Variants in EVI5L observed in about 807,000 individuals in gnomAD.
The protein encoded by EVI5L is ecotropic viral integration site 5 like.
A neutral mutation model predicts 106.1 loss-of-function variants in EVI5L; 30 were observed. The ratio of observed to expected loss-of-function variants is 0.28; its 90% CI spans 0.21 to 0.38. EVI5L has a LOEUF of 0.38. Among genes scored for constraint, EVI5L ranks in the 10% least tolerant of loss-of-function variants. EVI5L has a pLI of 1.00. For synonymous variants in EVI5L, 489 were observed against 483.3 expected, an observed-to-expected ratio of 1.01 and a Z score of -0.15; for missense variants, 809 against 1,098.0, an observed-to-expected ratio of 0.74 and a Z score of 3.72.
chr19:7,864,667 C>T lies in EVI5L; in HGVS notation c.*965C>T, dbSNP rs1336393310. On this transcript the variant is annotated 3_prime_UTR_variant, in exon 20 of 20. Coordinates refer to ENST00000538904, the MANE Select transcript of EVI5L (RefSeq NM_001159944.3). The surrounding 1 kb of genome is among the most constrained non-coding windows in gnomAD (Gnocchi z 4.5). ...GGTGCCAAAATCCAACGATGCCCCC[C>T]AGGCCCCTTCCTCCCTTCCCCCGGC... 6.6e-6 allele frequency: 1 copy of T among 152,418 alleles called. No individual in the cohort carries two copies. The highest frequency in any genetic ancestry group is 2.4e-5 in the African/African-American group (1 of 41,416). The allele number at this position is 152,418 out of a possible 1,614,324, so 9.4% of individuals were successfully genotyped here.
rs1262947490 is a variant in EVI5L at position 7,857,102 on chromosome 19, C to G, written c.1211C>G (p.Ala404Gly). 2.6e-6 allele frequency: 4 copies of G among 1,551,830 alleles called. No homozygotes were observed. Among genetic ancestry groups the G allele is most frequent in the Admixed American group, 2.0e-5 (1 of 51,012 alleles). ...RIETLEKESAALADRLIQGQV... is the reference protein window; with the variant it reads ...RIETLEKESAGLADRLIQGQV... ...CCCTTCGCCGGGTAGGAGAGCGCTG[C>G]TCTGGCTGATAGGTTAATCCAGGTA... Residue 404 changes from alanine to glycine, a missense_variant, in exon 12 of 20, where the codon GCT becomes GGT. Ala to Gly is a moderately conservative substitution (Grantham distance 60). This residue lies in a region of EVI5L where 357 missense variants were observed against 588.1 expected (regional missense o/e 0.61). Coordinates refer to ENST00000538904, the MANE Select transcript of EVI5L (RefSeq NM_001159944.3). This position sits in a 1 kb window ranked among gnomAD's most constrained non-coding sequence, Gnocchi z 4.5.
chr19:7,839,386 A>C (rs952157460), intron 1 of EVI5L, among the ~76,000 whole-genome samples: 1 of 151,992 alleles, frequency 6.6e-6, no homozygotes, highest in Non-Finnish European at 1.5e-5. Context: ...ACTGGCAGAC[A>C]TCAGGAGACC....
intron 1 of EVI5L, among the ~76,000 whole-genome samples, chr19:7,844,973 T>G (rs1160207580): frequency 6.6e-6 from 1 of 152,106 alleles, no homozygotes; most frequent in Admixed American, 6.5e-5. Flanking sequence ...GGGCTGAGTT[T>G]GGGCTGTGGG....
intron 1 of EVI5L, among the ~76,000 whole-genome samples, chr19:7,842,455 ATGTG>A (rs377483603): frequency 5.4e-4 from 15 of 27,560 alleles, no homozygotes; most frequent in East Asian, 2.5e-3. Context: ...GAATGTGTGA[ATGTG>A]TGTGTATCAA....
At position 7,861,880 on chromosome 19, in the gene EVI5L, G is replaced by C; in HGVS notation, c.1506G>C (p.Arg502Ser). The C allele has an allele frequency of 1.3e-6, 2 of 1,550,986 alleles. No individual in the cohort carries two copies. Among genetic ancestry groups the C allele is most frequent in the East Asian group, 4.9e-5 (2 of 40,996 alleles). Reference sequence around the variant, plus strand: ...CCCTGACCCCACTCTTCCCGCAGAGGAACAGCTCGCTGCCCGACGAGAACA... The same window carrying C: ...CCCTGACCCCACTCTTCCCGCAGAGCAACAGCTCGCTGCCCGACGAGAACA... ...MQDKVLDMEK[R>S]NSSLPDENNV... The change falls in exon 15 of 20, where the codon AGG becomes AGC. Residue 502 changes from arginine (R) to serine (S), a missense_variant and splice_region_variant. Around this residue, in one of 2 missense-constraint regions of EVI5L, gnomAD observed 452 missense variants for 509.9 expected, o/e 0.89. Coordinates refer to ENST00000538904, the MANE Select transcript of EVI5L (RefSeq NM_001159944.3).
At chr19:7,843,697 C>A (rs531299083) in intron 1 of EVI5L, among the ~76,000 whole-genome samples, 1 of 151,670 alleles carries the variant, frequency 6.6e-6, no homozygotes, top group South Asian at 2.1e-4. Flanking sequence ...TGAGAATAGG[C>A]ATGGGTGTGT....
At position 7,857,188 on chromosome 19, in the gene EVI5L, G is replaced by A; in HGVS notation, c.1233+64G>A. 2 of 1,541,894 alleles carry A rather than the reference G, an allele frequency of 1.3e-6. No homozygotes were observed. Among genetic ancestry groups the A allele is most frequent in the Non-Finnish European group, 8.8e-7 (1 of 1,139,574 alleles). ...GGCCCCTTCCCTGCACCCTGCACAT[G>A]ACAGCCAGTAACCGCCTCTTCCCTG... On this transcript the variant is annotated intron_variant, in intron 12 of 19. Coordinates refer to ENST00000538904, the MANE Select transcript of EVI5L (RefSeq NM_001159944.3). This position sits in a 1 kb window ranked among gnomAD's most constrained non-coding sequence, Gnocchi z 4.5.
At position 7,862,487 on chromosome 19, in the gene EVI5L, A is replaced by G. The variant is rs1313889207; in HGVS notation, c.1900A>G (p.Thr634Ala). 1 of 1,586,284 alleles carries G rather than the reference A, an allele frequency of 6.3e-7. No homozygotes were observed. The highest frequency in any genetic ancestry group is 2.3e-5 in the East Asian group (1 of 43,496). Residue 634 changes from threonine (T) to alanine (A), a missense_variant, in exon 17 of 20, where the codon ACG becomes GCG. By Grantham distance (58) the Thr-to-Ala change is moderately conservative. Coordinates refer to ENST00000538904, the MANE Select transcript of EVI5L (RefSeq NM_001159944.3). ...YLAAQNKGLQ[T>A]QLSESRRKQA... ...GGCTGCACAGAACAAGGGGCTGCAG[A>G]CGCAGCTCAGCGAAAGCCGCCGCAA...
rs1405280022 is a variant in EVI5L at position 7,835,305 on chromosome 19, C to T, written c.-48+4924C>T. On this transcript the variant is annotated intron_variant, in intron 1 of 19. Transcript: ENST00000538904. The surrounding 1 kb of genome is among the most constrained non-coding windows in gnomAD (Gnocchi z 4.1). ...GGTGCATCACCTGAGGTCAGGAGTTCGAGACCAGCTTGGTTAACACAGTGA... is the reference window on the plus strand; with the variant it reads ...GGTGCATCACCTGAGGTCAGGAGTTTGAGACCAGCTTGGTTAACACAGTGA... Among the ~76,000 whole-genome samples the T allele has an allele frequency of 2.0e-5, 3 of 151,784 alleles. No homozygotes were observed. The highest frequency in any genetic ancestry group is 1.3e-4 in the Admixed American group (2 of 15,216).
At chr19:7,836,913 A>G (rs1978366402) in intron 1 of EVI5L, among the ~76,000 whole-genome samples, 2 of 151,270 alleles carry the variant, frequency 1.3e-5, no homozygotes, top group Admixed American at 1.3e-4. Context: ...GATTACAGAC[A>G]TGAGCCACCG....
chr19:7,844,976 G>GCCA (rs1422708963), intron 1 of EVI5L, among the ~76,000 whole-genome samples: 1 of 152,144 alleles, frequency 6.6e-6, no homozygotes, highest in African/African-American at 2.4e-5. Context: ...CTGAGTTTGG[G>GCCA]CTGTGGGAAG....
At chr19:7,840,054 G>A (rs1368587451) in intron 1 of EVI5L, among the ~76,000 whole-genome samples, 2 of 152,200 alleles carry the variant, frequency 1.3e-5, no homozygotes, top group Admixed American at 6.5e-5. Context: ...CAGAGTGGGT[G>A]GGTGGAGGTG....
At chr19:7,841,584 G>A (rs921644670) in intron 1 of EVI5L, among the ~76,000 whole-genome samples, 2 of 152,200 alleles carry the variant, frequency 1.3e-5, no homozygotes, top group African/African-American at 4.8e-5. Flanking sequence ...TTCCTAAGCT[G>A]TAGGTGGCCC....
chr19:7,851,836 C>G lies in EVI5L; in HGVS notation c.987+66C>G, dbSNP rs1050377341. 7 of 1,400,892 alleles carry G rather than the reference C, an allele frequency of 5.0e-6. No individual in the cohort carries two copies. In the East Asian group the frequency reaches 1.3e-4, roughly 26 times the overall value. 86.8% of individuals were successfully genotyped at this position (1,400,892 alleles called of 1,614,324 possible). On this transcript the variant is annotated intron_variant, in intron 8 of 19. Coordinates refer to ENST00000538904, the MANE Select transcript of EVI5L (RefSeq NM_001159944.3). ...CAGGGGCTTCGAGTCACAGGATGCC[C>G]TCACAAGTGACAGAGAGGGCCCGGC...
intron 13 of EVI5L, 100 bp from the exon 14 acceptor site, chr19:7,860,461 C>T (rs1979745066): frequency 1.8e-6 from 2 of 1,086,928 alleles, no homozygotes; most frequent in African/African-American, 3.2e-5. Context: ...CCTCTCCCTG[C>T]TGAAGGGCTC....
chr19:7,857,917 A>C lies in EVI5L; in HGVS notation c.1234-274A>C. The C allele has an allele frequency of 2.2e-6, 1 of 448,114 alleles. No individual in the cohort carries two copies. Among genetic ancestry groups the C allele is most frequent in the Non-Finnish European group, 4.0e-6 (1 of 247,000 alleles). The allele number at this position is 448,114 out of a possible 1,614,324, so 27.8% of individuals were successfully genotyped here. On this transcript the variant is annotated intron_variant, in intron 12 of 19. Transcript: ENST00000538904. This position sits in a 1 kb window ranked among gnomAD's most constrained non-coding sequence, Gnocchi z 4.5. ...GATAAGGATCCCAACTGGGGCAGAG[A>C]CTGAGAGCCAGAGTGGGGAAGGAGA...
At chr19:7,834,279 G>A (rs755647775) in intron 1 of EVI5L, among the ~76,000 whole-genome samples, 1 of 152,100 alleles carries the variant, frequency 6.6e-6, no homozygotes. Flanking sequence ...AGCCAAGAAC[G>A]CGCCACTGCA....
At chr19:7,837,102 G>A (rs1011815841) in intron 1 of EVI5L, among the ~76,000 whole-genome samples, 17 of 150,188 alleles carry the variant, frequency 1.1e-4, no homozygotes, top group Non-Finnish European at 2.2e-4. Context: ...AGGCTGAGGC[G>A]GGCGGATCAC....
At chr19:7,849,823 T>C (rs1169690654) in intron 5 of EVI5L, among the ~76,000 whole-genome samples, 174 bp from the exon 6 acceptor site, 1 of 152,136 alleles carries the variant, frequency 6.6e-6, no homozygotes, top group East Asian at 1.9e-4. Flanking sequence ...GCCTCAGGTC[T>C]TCCATCAGTA....
Sources: allele counts gnomAD v4.1 joint callset (sites outside exome capture counted in the v4.1 genomes callset), GRCh38; gene constraint gnomAD v4.1.1; regional missense constraint gnomAD v4.1.1; non-coding constraint Gnocchi (gnomAD v3.1); transcripts MANE v1.5; gene names NCBI Gene and HGNC (gene_info 2026-07-23, HGNC 2026-07-21).